FGF10: variants seen among roughly 807,000 people sequenced by gnomAD.
The protein encoded by FGF10 is FGF-10.
In FGF10, 2 loss-of-function variants were observed where a neutral mutation model predicts 19.8. The ratio of observed to expected loss-of-function variants is 0.10; its 90% CI spans 0.04 to 0.32. The LOEUF (loss-of-function observed/expected upper bound fraction) is 0.32. Among genes scored for constraint, FGF10 ranks in the 10% least tolerant of loss-of-function variants. The probability of loss-of-function intolerance (pLI) is 1.00; values close to 1 mark genes in which losing one functional copy is unlikely to be tolerated. For missense variants in FGF10, 191 were observed against 246.3 expected (o/e 0.78, Z 1.50); for synonymous variants, 112 against 94.0 (o/e 1.19, Z -1.10).
chr5:44,349,457 T>TATATATCAGAATATATATATATATCAGA (rs1741182054), intron 1 of FGF10, among the ~76,000 whole-genome samples: 2 of 29,798 alleles, frequency 6.7e-5, no homozygotes, highest in African/African-American at 2.6e-4. Context: ...TATATATATA[T>TATATATCAGAATATATATATATATCAGA]ATATATATAT....
intron 1 of FGF10, among the ~76,000 whole-genome samples, chr5:44,333,644 C>T (rs1248668173): frequency 6.6e-6 from 1 of 152,116 alleles, no homozygotes; most frequent in Admixed American, 6.6e-5. Flanking sequence ...TCATGTATGA[C>T]ATCAAACCTT....
At chr5:44,342,691 A>T (rs971013898) in intron 1 of FGF10, among the ~76,000 whole-genome samples, 4 of 151,600 alleles carry the variant, frequency 2.6e-5, no homozygotes, top group Non-Finnish European at 5.9e-5. Flanking sequence ...CATCTACATT[A>T]AAAAAAATAA....
At chr5:44,326,358 ATTTAGC>A (rs1561202320) in intron 1 of FGF10, among the ~76,000 whole-genome samples, 1 of 152,138 alleles carries the variant, frequency 6.6e-6, no homozygotes, top group Non-Finnish European at 1.5e-5. Flanking sequence ...AGGATGGCAT[ATTTAGC>A]TTGAAGTTAA....
intron 1 of FGF10, among the ~76,000 whole-genome samples, chr5:44,356,183 G>C (rs1741342134): frequency 6.6e-6 from 1 of 151,448 alleles, no homozygotes; most frequent in East Asian, 2.0e-4. Context: ...GTTGAGAATG[G>C]CAGGCTTTTC....
intron 2 of FGF10, among the ~76,000 whole-genome samples, chr5:44,306,498 T>A (rs1740079483): frequency 6.6e-6 from 1 of 150,904 alleles, no homozygotes; most frequent in African/African-American, 2.4e-5. Flanking sequence ...GCACTTGCCC[T>A]CTGGTTCTAT....
intron 1 of FGF10, among the ~76,000 whole-genome samples, chr5:44,320,639 C>A (rs1030915929): frequency 6.6e-6 from 1 of 152,332 alleles, no homozygotes; most frequent in Admixed American, 6.5e-5. Context: ...GCCATAAAAC[C>A]TTTAAAACTT....
At chr5:44,349,451 T>TATATATATAAGA (rs1741178362) in intron 1 of FGF10, among the ~76,000 whole-genome samples, 2 of 16,696 alleles carry the variant, frequency 1.2e-4, no homozygotes, top group Non-Finnish European at 3.2e-4. Flanking sequence ...TATATATATA[T>TATATATATAAGA]ATATATATAT....
chr5:44,378,032 A>G (rs1480675368), intron 1 of FGF10, among the ~76,000 whole-genome samples: 1 of 152,156 alleles, frequency 6.6e-6, no homozygotes, highest in Non-Finnish European at 1.5e-5. Flanking sequence ...ATACATAAGT[A>G]CTTAAGAGTA....
chr5:44,382,547 A>C (rs1742007600), intron 1 of FGF10, among the ~76,000 whole-genome samples: 1 of 152,190 alleles, frequency 6.6e-6, no homozygotes, highest in African/African-American at 2.4e-5. Flanking sequence ...ACTGACTGAC[A>C]CAGATAAAGG....
intron 2 of FGF10, among the ~76,000 whole-genome samples, chr5:44,308,525 G>A (rs1740135813): frequency 6.6e-6 from 1 of 152,062 alleles, no homozygotes; most frequent in African/African-American, 2.4e-5. Flanking sequence ...AGTAGATCAA[G>A]GAAGAACCTG....
At chr5:44,348,504 C>T (rs568429251) in intron 1 of FGF10, among the ~76,000 whole-genome samples, 15 of 151,428 alleles carry the variant, frequency 9.9e-5, no homozygotes, top group Non-Finnish European at 1.9e-4. Flanking sequence ...ACCAGACCTT[C>T]TGAGTTGTAA....
chr5:44,386,659 T>G (rs953663787), intron 1 of FGF10, among the ~76,000 whole-genome samples: 1 of 152,220 alleles, frequency 6.6e-6, no homozygotes, highest in African/African-American at 2.4e-5. Flanking sequence ...ATGACATTAT[T>G]TCAGCTACTT....
intron 1 of FGF10, among the ~76,000 whole-genome samples, chr5:44,353,120 A>G (rs369004676): frequency 2.7e-4 from 41 of 151,742 alleles, no homozygotes; most frequent in East Asian, 2.0e-3. Context: ...TATGAATGAG[A>G]TTATGCAGGT....
Position 44,305,052 on chromosome 5 carries a change from C to G in FGF10, c.570G>C (p.Gln190His), listed in dbSNP as rs1403015185. The change falls in exon 3 of 3, where the codon CAG becomes CAC. Residue 190 changes from glutamine (Q) to histidine (H), a missense_variant. Transcript: ENST00000264664. ...CAGAGGTGTTTTTCCTTCGTGTTTT[C>G]TGTCCTCTCCTTGGAGCTCCTTTTC... ...LNGKGAPRRG[Q>H]KTRRKNTSAH... 1 of 1,613,972 alleles carries G rather than the reference C, an allele frequency of 6.2e-7. No homozygotes were observed. Among genetic ancestry groups the G allele is most frequent in the Admixed American group, 1.7e-5 (1 of 60,006 alleles).
At chr5:44,330,881 G>A (rs1740720193) in intron 1 of FGF10, among the ~76,000 whole-genome samples, 1 of 152,082 alleles carries the variant, frequency 6.6e-6, no homozygotes, top group African/African-American at 2.4e-5. Context: ...GTCATTTTTT[G>A]TGAGATTATT....
At chr5:44,354,693 T>C (rs943148067) in intron 1 of FGF10, among the ~76,000 whole-genome samples, 1 of 151,502 alleles carries the variant, frequency 6.6e-6, no homozygotes, top group African/African-American at 2.4e-5. Context: ...AAGTCATGTG[T>C]TGGAATTTGC....
chr5:44,362,279 T>A (rs1370380817), intron 1 of FGF10, among the ~76,000 whole-genome samples: 2 of 151,736 alleles, frequency 1.3e-5, no homozygotes, highest in African/African-American at 4.8e-5. Flanking sequence ...AGTCCATATA[T>A]CTTTTATCCT....
rs1246044191 is a variant in FGF10, at chr5:44,304,575, T to C, written c.*420A>G. The C allele has an allele frequency of 2.8e-5, 6 of 214,290 alleles. No homozygotes were observed. The highest frequency in any genetic ancestry group is 4.7e-5 in the Non-Finnish European group (5 of 105,802). The allele number at this position is 214,290 out of a possible 1,614,324, so 13.3% of individuals were successfully genotyped here. A position where few individuals can be genotyped will look rare whatever the true frequency, so the allele number is the denominator to read the frequency against. On this transcript the variant is annotated 3_prime_UTR_variant, in exon 3 of 3. Coordinates refer to ENST00000264664, the MANE Select transcript of FGF10 (RefSeq NM_004465.2). The stretch of plus-strand genomic sequence containing the variant: ...GCTTGCATGTATTACTGTTCATTGA[T>C]TCATTAGGCTTGAATGAGCAATGAA...
chr5:44,305,133 G>T lies in FGF10; in HGVS notation c.489C>A (p.Thr163=), dbSNP rs755749426. ...KERIEENGYN[T]YASFNWQHNG... ...TATGCTGCCAGTTAAATGATGCATA[G>T]GTATTGTATCCATTTTCCTCTATCC... Residue 163 remains threonine (T), a synonymous_variant, in exon 3 of 3, where the codon ACC becomes ACA. Coordinates refer to ENST00000264664, the MANE Select transcript of FGF10 (RefSeq NM_004465.2). 12 of 1,613,724 alleles carry T rather than the reference G, an allele frequency of 7.4e-6. No individual in the cohort carries two copies. Among genetic ancestry groups the T allele is most frequent in the Middle Eastern group, 1.6e-4 (1 of 6,080 alleles).
Sources: gnomAD v4.1 joint callset for allele counts (sites outside exome capture counted in the v4.1 genomes callset) on GRCh38, gnomAD v4.1.1 for gene constraint, MANE v1.5 for transcripts, NCBI Gene and HGNC (gene_info 2026-07-23, HGNC 2026-07-21) for gene names.